The following STXBP5L variants were observed in gnomAD, a reference collection of about 807,000 sequenced individuals.
STXBP5L encodes the protein syntaxin binding protein 5L, also known as syntaxin-binding protein 5-like.
Under a neutral mutation model 144.5 loss-of-function variants are expected in STXBP5L, and 65 were observed. That is an observed-to-expected ratio of 0.45 (90% confidence interval 0.37 to 0.55). STXBP5L has a LOEUF of 0.55. STXBP5L is among the 20% of genes least tolerant of loss of function. The pLI, the probability that STXBP5L is intolerant of heterozygous loss-of-function variation, is 0.00. For missense variants in STXBP5L, 1,298 were observed against 1,405.5 expected (o/e 0.92, Z 1.22); for synonymous variants, 505 against 469.6 (o/e 1.08, Z -0.97).
intron 5 of STXBP5L, among the ~76,000 whole-genome samples, chr3:121,049,086 G>A (rs1001369812): frequency 2.0e-5 from 3 of 152,104 alleles, no homozygotes; most frequent in Admixed American, 1.3e-4. Flanking sequence ...GCCTAGGTAG[G>A]GGGTGGCTAG....
chr3:121,253,627 A>ATGTG, intron 15 of STXBP5L, among the ~76,000 whole-genome samples: 1 of 148,518 alleles, frequency 6.7e-6, no homozygotes, highest in Non-Finnish European at 1.5e-5. Context: ...ATACACATAA[A>ATGTG]TATATATACT....
intron 19 of STXBP5L, among the ~76,000 whole-genome samples, chr3:121,280,624 T>C (rs1559932075): frequency 6.6e-6 from 1 of 151,958 alleles, no homozygotes; most frequent in Non-Finnish European, 1.5e-5. Flanking sequence ...TACTGAAATT[T>C]TAGTATATAT....
Position 121,252,545 on chromosome 3 carries a change from T to A in STXBP5L, c.1441+1782T>A, listed in dbSNP as rs1420986559. ...ATATAAATTGCAAATGATTGCAGCATGTTTAATATTTTCACTGTAATCAAG... is the reference window on the plus strand; with the variant it reads ...ATATAAATTGCAAATGATTGCAGCAAGTTTAATATTTTCACTGTAATCAAG... On this transcript the variant is annotated intron_variant, in intron 15 of 26. Transcript: ENST00000471454. Among the ~76,000 whole-genome samples, 4 of 152,174 alleles carry A rather than the reference T, an allele frequency of 2.6e-5. No homozygotes were observed. In the South Asian group the frequency reaches 8.3e-4, roughly 31 times the overall value.
At chr3:121,034,305 A>G (rs1225101765) in intron 3 of STXBP5L, among the ~76,000 whole-genome samples, 1 of 152,034 alleles carries the variant, frequency 6.6e-6, no homozygotes, top group African/African-American at 2.4e-5. Flanking sequence ...CACCTTTCTG[A>G]GTGTCCAATG....
intron 5 of STXBP5L, among the ~76,000 whole-genome samples, chr3:121,078,143 C>T (rs1157086375): frequency 1.4e-5 from 2 of 144,132 alleles, no homozygotes; most frequent in Non-Finnish European, 3.0e-5. Flanking sequence ...AGATACAGAG[C>T]ATCAATTGGT....
intron 14 of STXBP5L, among the ~76,000 whole-genome samples, chr3:121,242,195 G>A (rs2049693641): frequency 6.6e-6 from 1 of 152,102 alleles, no homozygotes; most frequent in African/African-American, 2.4e-5. Context: ...GGTTCATCAA[G>A]AAGGAAGAAA....
intron 3 of STXBP5L, among the ~76,000 whole-genome samples, chr3:121,015,004 G>T (rs1362836484): frequency 6.6e-6 from 1 of 152,066 alleles, no homozygotes; most frequent in African/African-American, 2.4e-5. Context: ...ACAGCAGATA[G>T]AAATTATAGA....
chr3:120,937,476 G>A (rs1264127610), intron 2 of STXBP5L, among the ~76,000 whole-genome samples: 6 of 152,118 alleles, frequency 3.9e-5, no homozygotes, highest in Non-Finnish European at 7.3e-5. Flanking sequence ...ACTGTAGCTC[G>A]AACCCTGTTA....
At chr3:121,033,529 A>G (rs1946524852) in intron 3 of STXBP5L, among the ~76,000 whole-genome samples, 1 of 146,398 alleles carries the variant, frequency 6.8e-6, no homozygotes, top group Admixed American at 6.9e-5. Context: ...TATGTAACTA[A>G]CCTGCACAAT....
At chr3:121,005,601 A>G (rs1032887728) in intron 3 of STXBP5L, among the ~76,000 whole-genome samples, 3 of 151,846 alleles carry the variant, frequency 2.0e-5, no homozygotes, top group African/African-American at 7.3e-5. Context: ...TAGCTTTTGA[A>G]TGTGTTTGCT....
In STXBP5L at chr3:121,116,826, A is replaced by G. The variant is rs145374605; in HGVS notation, c.605+1767A>G. 7.2e-5 allele frequency among the ~76,000 whole-genome samples: 11 copies of G among 152,138 alleles called. No individual in the cohort carries two copies. The East Asian group carries it at 2.1e-3, about 29-fold the overall frequency. On this transcript the variant is annotated intron_variant, in intron 6 of 26. Transcript: ENST00000471454. ...GGCTGAATTTTAATAGTTTTACATAATATTGTTTCAGGATATTGATAAAAA... is the reference window on the plus strand; with the variant it reads ...GGCTGAATTTTAATAGTTTTACATAGTATTGTTTCAGGATATTGATAAAAA...
At chr3:121,269,456 C>T (rs2108414536) in intron 18 of STXBP5L, among the ~76,000 whole-genome samples, 1 of 151,506 alleles carries the variant, frequency 6.6e-6, no homozygotes, top group South Asian at 2.1e-4. Flanking sequence ...TATATATAGA[C>T]AGAAAATAGT....
chr3:120,992,071 G>A (rs1023359896), intron 3 of STXBP5L, among the ~76,000 whole-genome samples: 2 of 152,012 alleles, frequency 1.3e-5, no homozygotes, highest in African/African-American at 4.8e-5. Flanking sequence ...TATTTGAAAT[G>A]ATTTATTGTA....
chr3:121,188,939 G>A (rs1037397573), intron 9 of STXBP5L, among the ~76,000 whole-genome samples: 1 of 152,176 alleles, frequency 6.6e-6, no homozygotes, highest in Non-Finnish European at 1.5e-5. Flanking sequence ...ATTCAACATA[G>A]TTTTGAAAGT....
intron 3 of STXBP5L, among the ~76,000 whole-genome samples, chr3:120,960,533 G>C (rs986065577): frequency 6.6e-6 from 1 of 152,170 alleles, no homozygotes; most frequent in East Asian, 1.9e-4. Flanking sequence ...TGATAGACTG[G>C]ATTAAGAAAA....
At chr3:121,377,870 C>T (rs2046229388) in intron 20 of STXBP5L, among the ~76,000 whole-genome samples, 1 of 152,142 alleles carries the variant, frequency 6.6e-6, no homozygotes, top group Non-Finnish European at 1.5e-5. Context: ...CACATGCACA[C>T]ATATGTTTAT....
chr3:121,049,346 T>C (rs1455325100), intron 5 of STXBP5L, among the ~76,000 whole-genome samples: 1 of 151,812 alleles, frequency 6.6e-6, no homozygotes, highest in African/African-American at 2.4e-5. Context: ...GGCCTAAGAG[T>C]CCAGTGTGGG....
At chr3:120,910,394 AAG>A (rs1326750507) in intron 2 of STXBP5L, among the ~76,000 whole-genome samples, 2 of 152,226 alleles carry the variant, frequency 1.3e-5, no homozygotes, top group Non-Finnish European at 1.5e-5. Context: ...GAATATGCAA[AAG>A]AGAGTTTCTG....
At chr3:120,988,728 G>A (rs1158430726) in intron 3 of STXBP5L, among the ~76,000 whole-genome samples, 1 of 152,038 alleles carries the variant, frequency 6.6e-6, no homozygotes, top group Admixed American at 6.6e-5. Flanking sequence ...AGCATATTAT[G>A]TAGTGGTTTG....
Sources: gnomAD v4.1 joint callset for allele counts (sites outside exome capture counted in the v4.1 genomes callset) on GRCh38, gnomAD v4.1.1 for gene constraint, MANE v1.5 for transcripts, NCBI Gene and HGNC (gene_info 2026-07-23, HGNC 2026-07-21) for gene names.